The following PCBP3 variants were observed in gnomAD, a reference collection of about 807,000 sequenced individuals.
PCBP3 encodes the protein poly(rC)-binding protein 3.
Under a neutral mutation model 52.7 loss-of-function variants are expected in PCBP3, and 25 were observed. The observed-to-expected ratio is 0.47, with a 90% CI of 0.35 to 0.66. The LOEUF (loss-of-function observed/expected upper bound fraction) is 0.66. Among genes scored for constraint, PCBP3 ranks in the 30% least tolerant of loss-of-function variants. The pLI, the probability that PCBP3 is intolerant of heterozygous loss-of-function variation, is 0.01. For missense variants in PCBP3, 391 were observed against 490.3 expected, an observed-to-expected ratio of 0.80 and a Z score of 1.91; for synonymous variants, 162 against 183.0, an observed-to-expected ratio of 0.89 and a Z score of 0.93.
rs557079214 is a variant in PCBP3 at position 45,862,718 on chromosome 21, G to T, written c.10+12623G>T. On this transcript the variant is annotated intron_variant, in intron 5 of 17. Transcript: ENST00000681687. ...CATCAGAAAGCTGCAAGCACATTGTGTGGGCCCCAGCAGGAGCCAGCTCAG... is the reference window on the plus strand; with the variant it reads ...CATCAGAAAGCTGCAAGCACATTGTTTGGGCCCCAGCAGGAGCCAGCTCAG... Among the ~76,000 whole-genome samples the T allele has an allele frequency of 4.4e-3, 668 of 152,300 alleles. 8 individuals carry two copies. Among genetic ancestry groups the T allele is most frequent in the South Asian group, 8.5e-3 (41 of 4,822 alleles).
intron 13 of PCBP3, among the ~76,000 whole-genome samples, chr21:45,919,893 G>A (rs2074191096): frequency 6.6e-6 from 1 of 152,230 alleles, no homozygotes; most frequent in South Asian, 2.1e-4. Flanking sequence ...GGGGGCAGGT[G>A]TGATGTGTCC....
intron 5 of PCBP3, among the ~76,000 whole-genome samples, chr21:45,863,715 T>G (rs1185123597): frequency 6.6e-6 from 1 of 152,162 alleles, no homozygotes; most frequent in African/African-American, 2.4e-5. Context: ...GATACCCACA[T>G]CAAACCTGAT....
chr21:45,810,274 C>T (rs892034537), intron 4 of PCBP3, among the ~76,000 whole-genome samples: 55 of 149,798 alleles, frequency 3.7e-4, no homozygotes, highest in Middle Eastern at 3.5e-3. Context: ...GAGTCTCGCT[C>T]TGTGGCCCAG....
At chr21:45,719,427 A>G (rs1448266824) in intron 2 of PCBP3, among the ~76,000 whole-genome samples, 1 of 152,164 alleles carries the variant, frequency 6.6e-6, no homozygotes, top group Non-Finnish European at 1.5e-5. Context: ...TGTCTTCTCC[A>G]AGACATACTG....
chr21:45,810,621 T>C (rs953827391), intron 4 of PCBP3, among the ~76,000 whole-genome samples: 19 of 152,176 alleles, frequency 1.2e-4, no homozygotes, highest in African/African-American at 4.3e-4. Flanking sequence ...GCTATGGTCA[T>C]GAGAGACACT....
At chr21:45,927,885 G>A (rs987154112) in intron 13 of PCBP3, among the ~76,000 whole-genome samples, 26 of 152,240 alleles carry the variant, frequency 1.7e-4, no homozygotes, top group South Asian at 2.1e-4. Flanking sequence ...CCCAGGGAGC[G>A]CCCCTCCCCG....
At chr21:45,814,752 A>AGTGAGTG (rs1202276387) in intron 4 of PCBP3, among the ~76,000 whole-genome samples, 1 of 88,072 alleles carries the variant, frequency 1.1e-5, no homozygotes, top group Non-Finnish European at 2.3e-5. Context: ...GTGAGTGATG[A>AGTGAGTG]GTGAGTGGTG....
At chr21:45,771,350 C>T (rs903589503) in intron 4 of PCBP3, among the ~76,000 whole-genome samples, 5 of 152,136 alleles carry the variant, frequency 3.3e-5, no homozygotes, top group Non-Finnish European at 7.3e-5. Flanking sequence ...GGTGGGCGTT[C>T]AGTAAAGACT....
intron 2 of PCBP3, among the ~76,000 whole-genome samples, chr21:45,678,123 C>T (rs1317531800): frequency 6.6e-6 from 1 of 151,980 alleles, no homozygotes; most frequent in Non-Finnish European, 1.5e-5. Context: ...GGGAGGATCA[C>T]AAGGTCAGGA....
At chr21:45,933,725 T>G (rs1216121420) in intron 15 of PCBP3, among the ~76,000 whole-genome samples, 2 of 152,210 alleles carry the variant, frequency 1.3e-5, no homozygotes, top group Non-Finnish European at 2.9e-5. Context: ...CACCAGCTGA[T>G]CCCCTCCTGT....
intron 4 of PCBP3, among the ~76,000 whole-genome samples, chr21:45,835,626 T>C (rs2093566661): frequency 6.6e-6 from 1 of 152,216 alleles, no homozygotes; most frequent in African/African-American, 2.4e-5. Flanking sequence ...TCCTGCCACA[T>C]GGCCCCTGCG....
At chr21:45,850,447 C>T (rs377556600) in intron 5 of PCBP3, among the ~76,000 whole-genome samples, 8 of 151,968 alleles carry the variant, frequency 5.3e-5, no homozygotes, top group African/African-American at 9.7e-5. Flanking sequence ...GGCTGAAGAT[C>T]GTCCTGAGGT....
intron 2 of PCBP3, among the ~76,000 whole-genome samples, chr21:45,671,014 C>T (rs1433196908): frequency 6.6e-6 from 1 of 152,172 alleles, no homozygotes; most frequent in African/African-American, 2.4e-5. Context: ...ACATGCTTCT[C>T]AGCCATGTTG....
intron 2 of PCBP3, among the ~76,000 whole-genome samples, chr21:45,718,874 T>G (rs531617284): frequency 1.3e-5 from 2 of 152,346 alleles, no homozygotes; most frequent in African/African-American, 4.8e-5. Context: ...TGAAAATTGA[T>G]GAATGGCTTC....
At chr21:45,733,034 T>C (rs1322367504) in intron 2 of PCBP3, among the ~76,000 whole-genome samples, 2 of 152,240 alleles carry the variant, frequency 1.3e-5, no homozygotes, top group African/African-American at 4.8e-5. Flanking sequence ...TAGAGAATCT[T>C]TATCTGTGTT....
intron 5 of PCBP3, among the ~76,000 whole-genome samples, chr21:45,885,583 G>A (rs746285876): frequency 5.9e-5 from 9 of 152,132 alleles, no homozygotes; most frequent in Non-Finnish European, 1.2e-4. Flanking sequence ...TCTTCGGTCT[G>A]TGTTCTCCCT....
intron 5 of PCBP3, among the ~76,000 whole-genome samples, chr21:45,851,436 C>T (rs778806315): frequency 7.2e-5 from 11 of 151,988 alleles, no homozygotes; most frequent in African/African-American, 2.4e-4. Flanking sequence ...TGCTTGAACC[C>T]GGGAGGAGAA....
chr21:45,917,414 G>T lies in PCBP3; in HGVS notation c.676-174G>T. ...AGAGGAAGTGGGTGCGGCTCCCCTGGGGCTCCTGGTGCCCTGGGAGGGTTG... is the reference window on the plus strand; with the variant it reads ...AGAGGAAGTGGGTGCGGCTCCCCTGTGGCTCCTGGTGCCCTGGGAGGGTTG... On this transcript the variant is annotated intron_variant, in intron 12 of 17. Transcript: ENST00000681687. The surrounding 1 kb of genome is among the most constrained non-coding windows in gnomAD (Gnocchi z 5.3). The T allele has an allele frequency of 1.7e-6, 1 of 596,760 alleles. No individual in the cohort carries two copies. Among genetic ancestry groups the T allele is most frequent in the Non-Finnish European group, 3.0e-6 (1 of 335,268 alleles). The allele number at this position is 596,760 out of a possible 1,614,324, so 37.0% of individuals were successfully genotyped here. A position where few individuals can be genotyped will look rare whatever the true frequency, so the allele number is the denominator to read the frequency against.
chr21:45,927,027 A>G (rs895587283), intron 13 of PCBP3, among the ~76,000 whole-genome samples: 2 of 152,140 alleles, frequency 1.3e-5, no homozygotes, highest in African/African-American at 4.8e-5. Context: ...GAATGACAGA[A>G]ACAGACATTT....
Sources: gnomAD v4.1 joint callset for allele counts (sites outside exome capture counted in the v4.1 genomes callset) on GRCh38, gnomAD v4.1.1 for gene constraint, Gnocchi (gnomAD v3.1) non-coding constraint, MANE v1.5 for transcripts, NCBI Gene and HGNC (gene_info 2026-07-23, HGNC 2026-07-21) for gene names.